The following FAT3 variants were observed in gnomAD, a reference collection of about 807,000 sequenced individuals.
The protein encoded by FAT3 is protocadherin Fat 3.
In FAT3, 95 loss-of-function variants were observed where a neutral mutation model predicts 310.2. The ratio of observed to expected loss-of-function variants is 0.31; its 90% CI spans 0.26 to 0.36. The LOEUF is 0.36. Among genes scored for constraint, FAT3 ranks in the 10% least tolerant of loss-of-function variants. The probability of loss-of-function intolerance (pLI) is 1.00; values close to 1 mark genes in which losing one functional copy is unlikely to be tolerated. For missense variants in FAT3, 5,408 were observed against 5,715.6 expected (o/e 0.95, Z 1.74); for synonymous variants, 2,314 against 2,192.9 (o/e 1.06, Z -1.54).
intron 3 of FAT3, among the ~76,000 whole-genome samples, chr11:92,695,327 T>C (rs951642757): frequency 2.6e-5 from 4 of 151,942 alleles, no homozygotes; most frequent in African/African-American, 9.7e-5. Context: ...GAGACAAAAA[T>C]CCATGTTTTT....
At chr11:92,778,805 G>A (rs1473937513) in intron 7 of FAT3, among the ~76,000 whole-genome samples, 1 of 152,060 alleles carries the variant, frequency 6.6e-6, no homozygotes, top group Non-Finnish European at 1.5e-5. Context: ...TCCTCTGAAG[G>A]CTCCCCAGCT....
At chr11:92,513,145 TCCACC>T (rs1953364689) in intron 2 of FAT3, among the ~76,000 whole-genome samples, 1 of 149,064 alleles carries the variant, frequency 6.7e-6, no homozygotes, top group Non-Finnish European at 1.5e-5. Context: ...AAAGATTATC[TCCACC>T]CACAATTTCT....
At chr11:92,266,587 A>G (rs1945959469) in intron 1 of FAT3, among the ~76,000 whole-genome samples, 1 of 152,106 alleles carries the variant, frequency 6.6e-6, no homozygotes, top group Admixed American at 6.6e-5. Context: ...CCTTTGAGAA[A>G]CACACGTCCC....
At chr11:92,335,938 T>C in intron 1 of FAT3, 1 of 343,718 alleles carries the variant, frequency 2.9e-6, no homozygotes. Flanking sequence ...CTCCTATGGA[T>C]TTTTTTTTCA....
At chr11:92,632,499 G>A (rs1403852641) in intron 3 of FAT3, among the ~76,000 whole-genome samples, 2 of 152,162 alleles carry the variant, frequency 1.3e-5, no homozygotes, top group Non-Finnish European at 2.9e-5. Context: ...CCTGAAAATC[G>A]GCTTCAAAAA....
In FAT3 at chr11:92,235,285, C is replaced by G. The variant is rs181366865; in HGVS notation, c.-18+10111C>G. ...CTTGGCCCCTTTATCTCTCCCAACC[C>G]TCTCTAGTTCCTGTAGTCACTGGTT... is the stretch of plus-strand genomic sequence containing the variant. On this transcript the variant is annotated intron_variant, in intron 1 of 27. Coordinates refer to ENST00000525166, the MANE Select transcript of FAT3 (RefSeq NM_001367949.2). Among the ~76,000 whole-genome samples, 92 of 152,244 alleles carry G rather than the reference C, an allele frequency of 6.0e-4. No individual in the cohort carries two copies. The East Asian group carries it at 0.013, about 22-fold the overall frequency.
intron 1 of FAT3, among the ~76,000 whole-genome samples, chr11:92,263,771 C>T (rs1229829205): frequency 2.0e-5 from 3 of 151,938 alleles, no homozygotes; most frequent in Admixed American, 2.0e-4. Context: ...TGATCATGTC[C>T]TACTTTGTGT....
chr11:92,640,914 A>G (rs1193807684), intron 3 of FAT3, among the ~76,000 whole-genome samples: 1 of 152,140 alleles, frequency 6.6e-6, no homozygotes, highest in East Asian at 1.9e-4. Flanking sequence ...TGATAGAAAA[A>G]CAGTGTTCTG....
At chr11:92,756,590 ACT>A (rs1945996863) in intron 4 of FAT3, among the ~76,000 whole-genome samples, 2 of 152,052 alleles carry the variant, frequency 1.3e-5, no homozygotes, top group South Asian at 4.2e-4. Context: ...ATTCTTAGAC[ACT>A]CTTGTAATCA....
At chr11:92,458,691 A>G (rs1951562915) in intron 2 of FAT3, among the ~76,000 whole-genome samples, 1 of 152,146 alleles carries the variant, frequency 6.6e-6, no homozygotes, top group Admixed American at 6.5e-5. Context: ...TGGCTTTTCC[A>G]ATGACATTTT....
intron 3 of FAT3, among the ~76,000 whole-genome samples, chr11:92,582,345 A>G (rs1591482522): frequency 6.6e-6 from 1 of 152,082 alleles, no homozygotes; most frequent in East Asian, 1.9e-4. Flanking sequence ...GCTCCTATTC[A>G]AGATGGAGTT....
intron 2 of FAT3, among the ~76,000 whole-genome samples, chr11:92,419,450 G>C (rs760403904): frequency 1.3e-5 from 2 of 152,080 alleles, no homozygotes; most frequent in African/African-American, 2.4e-5. Flanking sequence ...TCCAGTTTTT[G>C]TTAATTCTGG....
intron 3 of FAT3, among the ~76,000 whole-genome samples, chr11:92,598,259 CT>C (rs985903112): frequency 1.4e-5 from 2 of 144,078 alleles, no homozygotes; most frequent in Admixed American, 1.4e-4. Context: ...CAAAGTCTCA[CT>C]CTGTCACTCA....
At chr11:92,813,529 C>T (rs1055456195) in intron 13 of FAT3, among the ~76,000 whole-genome samples, 7 of 152,170 alleles carry the variant, frequency 4.6e-5, no homozygotes, top group South Asian at 2.1e-4. Context: ...ATACATCACA[C>T]GCCTCCCACT....
At chr11:92,412,740 T>TACACAC (rs1406550603) in intron 2 of FAT3, among the ~76,000 whole-genome samples, 2 of 76,348 alleles carry the variant, frequency 2.6e-5, no homozygotes, top group South Asian at 3.7e-4. Context: ...TATATATATA[T>TACACAC]ATATAAATAT....
intron 1 of FAT3, among the ~76,000 whole-genome samples, chr11:92,286,909 G>C (rs1318669): frequency 0.049 from 7,396 of 152,254 alleles, 196 homozygotes; most frequent in African/African-American, 0.067. Context: ...TTACAGCTTA[G>C]ATCTTCAGCT....
intron 1 of FAT3, among the ~76,000 whole-genome samples, chr11:92,307,875 C>G (rs947421717): frequency 6.6e-6 from 1 of 152,100 alleles, no homozygotes; most frequent in Non-Finnish European, 1.5e-5. Context: ...TCTTTATAAC[C>G]TTTAGTACCA....
In FAT3 at chr11:92,762,094, A is replaced by G. The variant is rs1400997018; in HGVS notation, c.3908A>G (p.Lys1303Arg). The G allele has an allele frequency of 2.5e-6, 4 of 1,613,892 alleles. No individual in the cohort carries two copies. The East Asian group carries it at 6.7e-5, about 27-fold the overall frequency. ...ATTGTGGATGGGAATGATGACGGAA[A>G]GTTCTTTATTGACCCTAAAACTGGG... ...YSIVDGNDDG[K>R]FFIDPKTGMV... The change falls in exon 5 of 28, where the codon AAG becomes AGG. Residue 1303 changes from lysine to arginine, a missense_variant. Transcript: ENST00000525166.
intron 2 of FAT3, among the ~76,000 whole-genome samples, chr11:92,381,653 T>A (rs534617533): frequency 1.3e-5 from 2 of 152,226 alleles, no homozygotes; most frequent in Non-Finnish European, 2.9e-5. Flanking sequence ...TAAATAGATA[T>A]ATTTTTGTTT....
Sources: allele counts gnomAD v4.1 joint callset (sites outside exome capture counted in the v4.1 genomes callset), GRCh38; gene constraint gnomAD v4.1.1; transcripts MANE v1.5; gene names NCBI Gene and HGNC (gene_info 2026-07-23, HGNC 2026-07-21).